Variants in FRMD4A observed in about 807,000 individuals in gnomAD.
FRMD4A encodes FERM domain containing 4A, also known as FERM domain-containing protein 4A.
FRMD4A carries 29 observed loss-of-function variants against 129.1 expected under a neutral mutation model. That is an observed-to-expected ratio of 0.22 (90% confidence interval 0.17 to 0.31). FRMD4A has a LOEUF of 0.31. Among genes scored for constraint, FRMD4A ranks in the 10% least tolerant of loss-of-function variants. The probability of loss-of-function intolerance (pLI) is 1.00; values close to 1 mark genes in which losing one functional copy is unlikely to be tolerated. For missense variants in FRMD4A, 1,272 were observed against 1,375.8 expected, an observed-to-expected ratio of 0.92 and a Z score of 1.19; for synonymous variants, 634 against 571.6, an observed-to-expected ratio of 1.11 and a Z score of -1.56.
At chr10:13,869,268 G>A (rs1476361181) in intron 2 of FRMD4A, among the ~76,000 whole-genome samples, 1 of 152,106 alleles carries the variant, frequency 6.6e-6, no homozygotes, top group Non-Finnish European at 1.5e-5. Flanking sequence ...ACGATGAGGC[G>A]TGGACCCAGG....
chr10:13,863,627 AT>A (rs1383122405), intron 2 of FRMD4A, among the ~76,000 whole-genome samples: 4 of 152,058 alleles, frequency 2.6e-5, no homozygotes, highest in African/African-American at 7.2e-5. Flanking sequence ...ACGTATCCTA[AT>A]TGTCATGCAC....
chr10:14,125,503 C>A lies in FRMD4A; in HGVS notation c.45+204555G>T, dbSNP rs532907612. Among the ~76,000 whole-genome samples, 9 of 152,204 alleles carry A rather than the reference C, an allele frequency of 5.9e-5. No homozygotes were observed. The South Asian group carries it at 1.9e-3, about 32-fold the overall frequency. ...CCTTTTTAAGAAGCTTGCTGGATGA[C>A]CTCTTTAAACATACCAGCATGAAGA... On this transcript the variant is annotated intron_variant, in intron 2 of 24. Coordinates refer to ENST00000357447, the MANE Select transcript of FRMD4A (RefSeq NM_018027.5).
At chr10:13,994,502 C>G (rs771933694) in intron 2 of FRMD4A, among the ~76,000 whole-genome samples, 3 of 151,892 alleles carry the variant, frequency 2.0e-5, no homozygotes, top group African/African-American at 7.3e-5. Flanking sequence ...TTTGTACTTT[C>G]GTAGAGACAC....
intron 2 of FRMD4A, among the ~76,000 whole-genome samples, chr10:14,205,742 G>C (rs747310089): frequency 1.9e-4 from 27 of 145,108 alleles, no homozygotes; most frequent in Non-Finnish European, 5.9e-5. Flanking sequence ...GCGAGGTGGA[G>C]ACTGCAGAGA....
At chr10:13,921,236 T>TCTCTCTCTCTC (rs2095067839) in intron 2 of FRMD4A, among the ~76,000 whole-genome samples, 1 of 9,570 alleles carries the variant, frequency 1.0e-4, no homozygotes, top group Admixed American at 8.2e-4. Flanking sequence ...TTCTCTCTCT[T>TCTCTCTCTCTC]TCTTTCTCTC....
At chr10:14,216,486 C>G (rs1411822398) in intron 2 of FRMD4A, among the ~76,000 whole-genome samples, 1 of 152,146 alleles carries the variant, frequency 6.6e-6, no homozygotes, top group Non-Finnish European at 1.5e-5. Flanking sequence ...GCCTGACCAA[C>G]ATGGTGAAAC....
At chr10:13,849,680 T>C (rs940321991) in intron 3 of FRMD4A, among the ~76,000 whole-genome samples, 3 of 151,176 alleles carry the variant, frequency 2.0e-5, no homozygotes, top group Non-Finnish European at 4.4e-5. Context: ...GCTTTCACCA[T>C]GTTGGTCAGG....
intron 22 of FRMD4A, chr10:13,655,166 A>G (rs2082034245): frequency 6.6e-6 from 1 of 152,246 alleles, no homozygotes; most frequent in Non-Finnish European, 1.5e-5. Flanking sequence ...AATCCTACGT[A>G]AATGCATCCT....
intron 13 of FRMD4A, among the ~76,000 whole-genome samples, chr10:13,701,840 C>T (rs769809245): frequency 2.2e-4 from 34 of 152,136 alleles, no homozygotes; most frequent in Non-Finnish European, 4.3e-4. Flanking sequence ...CAATGATGCT[C>T]CCTATGAGAC....
intron 3 of FRMD4A, among the ~76,000 whole-genome samples, chr10:13,820,732 G>GC: frequency 6.6e-6 from 1 of 152,306 alleles, no homozygotes; most frequent in Admixed American, 6.5e-5. Flanking sequence ...GCCAGGGTTT[G>GC]GACACGCATG....
rs1168203925 is a variant in FRMD4A, at chr10:14,162,638, TTTG to T, written c.45+167417_45+167419del. Among the ~76,000 whole-genome samples, 17 of 137,486 alleles carry T rather than the reference TTTG, an allele frequency of 1.2e-4. 1 individual carries two copies. The highest frequency in any genetic ancestry group is 5.0e-4 in the African/African-American group (16 of 32,186). 90.2% of individuals were successfully genotyped at this position (137,486 alleles called of 152,430 possible). ...GAGTCTTGAGTTTCTCTGTTTTTTT[TTTG>T]TTTTTTTTTTTTTTTTTTGTATATG... is the stretch of plus-strand genomic sequence containing the variant. On this transcript the variant is annotated intron_variant, in intron 2 of 24. Transcript: ENST00000357447.
intron 2 of FRMD4A, among the ~76,000 whole-genome samples, chr10:14,276,238 T>G (rs968723686): frequency 6.6e-6 from 1 of 152,196 alleles, no homozygotes; most frequent in Non-Finnish European, 1.5e-5. Context: ...GCCTGCCAGA[T>G]GCTGCCTGTG....
At chr10:13,671,053 T>C (rs1036741153) in intron 16 of FRMD4A, among the ~76,000 whole-genome samples, 5 of 152,188 alleles carry the variant, frequency 3.3e-5, no homozygotes, top group African/African-American at 1.2e-4. Context: ...CCCAGAAAAG[T>C]GCATAGATAA....
chr10:14,128,046 C>CTCTTTCTTTCTTTCTT (rs534411383), intron 2 of FRMD4A, among the ~76,000 whole-genome samples: 18 of 78,060 alleles, frequency 2.3e-4, no homozygotes, highest in Non-Finnish European at 3.2e-4. Flanking sequence ...CTTTCTTTCC[C>CTCTTTCTTTCTTTCTT]TCTTTCTTTC....
At chr10:14,129,972 T>C (rs1839154680) in intron 2 of FRMD4A, among the ~76,000 whole-genome samples, 1 of 152,182 alleles carries the variant, frequency 6.6e-6, no homozygotes, top group African/African-American at 2.4e-5. Flanking sequence ...CTCTTGGTTG[T>C]CTTGCTATGG....
chr10:14,218,692 C>T (rs780580838), intron 2 of FRMD4A, among the ~76,000 whole-genome samples: 1 of 152,018 alleles, frequency 6.6e-6, no homozygotes, highest in South Asian at 2.1e-4. Context: ...ATGGGAGCTA[C>T]AAGATGAGAT....
intron 2 of FRMD4A, among the ~76,000 whole-genome samples, chr10:13,884,192 A>ACT (rs2094587504): frequency 2.2e-5 from 2 of 91,914 alleles, no homozygotes; most frequent in African/African-American, 4.3e-5. Flanking sequence ...ACACACACAC[A>ACT]CACTCACACA....
chr10:14,133,162 G>A (rs1043253965), intron 2 of FRMD4A, among the ~76,000 whole-genome samples: 5 of 152,200 alleles, frequency 3.3e-5, no homozygotes, highest in Admixed American at 2.6e-4. Flanking sequence ...GGTGAATGAA[G>A]TTGAATTAGC....
chr10:14,044,782 A>T (rs777638167), intron 2 of FRMD4A, among the ~76,000 whole-genome samples: 30 of 152,358 alleles, frequency 2.0e-4, no homozygotes, highest in South Asian at 6.2e-4. Flanking sequence ...AGAAAGTAAT[A>T]CAGCTACCAC....
Sources: gnomAD v4.1 joint callset for allele counts (sites outside exome capture counted in the v4.1 genomes callset) on GRCh38, gnomAD v4.1.1 for gene constraint, MANE v1.5 for transcripts, NCBI Gene and HGNC (gene_info 2026-07-23, HGNC 2026-07-21) for gene names.